SLC4A10: variants seen among roughly 807,000 people sequenced by gnomAD.
SLC4A10 encodes the protein solute carrier family 4 member 10.
A neutral mutation model predicts 137.7 loss-of-function variants in SLC4A10; 42 were observed. The observed-to-expected ratio is 0.30, with a 90% CI of 0.24 to 0.39. The LOEUF (loss-of-function observed/expected upper bound fraction) is 0.39. Among genes scored for constraint, SLC4A10 ranks in the 10% least tolerant of loss-of-function variants. The pLI, the probability that SLC4A10 is intolerant of heterozygous loss-of-function variation, is 1.00. For missense variants in SLC4A10, 925 were observed against 1,355.0 expected (o/e 0.68, Z 4.98); for synonymous variants, 474 against 464.1 (o/e 1.02, Z -0.27).
chr2:161,656,342 T>C (rs1464767070), intron 1 of SLC4A10, among the ~76,000 whole-genome samples: 2 of 152,240 alleles, frequency 1.3e-5, no homozygotes, highest in East Asian at 3.8e-4. Flanking sequence ...TTAAGCTGTT[T>C]CAACATATTA....
chr2:161,776,844 C>T (rs975442104), intron 2 of SLC4A10, among the ~76,000 whole-genome samples: 1 of 146,784 alleles, frequency 6.8e-6, no homozygotes, highest in African/African-American at 2.6e-5. Flanking sequence ...TCCTTGCCAA[C>T]ACTTATTTTC....
At chr2:161,862,577 G>T (rs1424131790) in intron 5 of SLC4A10, among the ~76,000 whole-genome samples, 3 of 151,872 alleles carry the variant, frequency 2.0e-5, no homozygotes, top group Non-Finnish European at 4.4e-5. Context: ...AATAAATAAA[G>T]AACTTTCTTC....
At chr2:161,672,088 C>T (rs2039790735) in intron 1 of SLC4A10, among the ~76,000 whole-genome samples, 1 of 152,040 alleles carries the variant, frequency 6.6e-6, no homozygotes, top group East Asian at 1.9e-4. Context: ...ACGTAGGGTA[C>T]ATGGTGGGAT....
At chr2:161,964,437 C>A (rs1697238752) in intron 22 of SLC4A10, 129 bp downstream of exon 22, 4 of 1,015,044 alleles carry the variant, frequency 3.9e-6, no homozygotes, top group Non-Finnish European at 5.8e-6. Context: ...TAAGTTTTGG[C>A]ACTGAAAGTG....
rs752273760 is a variant in SLC4A10, at chr2:161,795,687, G to A, written c.131-8762G>A. 1.8e-4 allele frequency among the ~76,000 whole-genome samples: 27 copies of A among 151,952 alleles called. 1 individual carries two copies. Among genetic ancestry groups the A allele is most frequent in the African/African-American group, 2.2e-4 (9 of 41,446 alleles). Reference sequence around the variant, plus strand: ...AGTAGATCTCTAGAACCTATTTATCGGAAAGTTACTTTTTTGAACCTCAAT... The same window carrying A: ...AGTAGATCTCTAGAACCTATTTATCAGAAAGTTACTTTTTTGAACCTCAAT... On this transcript the variant is annotated intron_variant, in intron 2 of 26. Transcript: ENST00000446997.
chr2:161,712,320 AGGACTTT>A (rs2044376652), intron 1 of SLC4A10, among the ~76,000 whole-genome samples: 1 of 151,820 alleles, frequency 6.6e-6, no homozygotes, highest in South Asian at 2.1e-4. Context: ...AAAGATTACT[AGGACTTT>A]GGGAAAATTT....
chr2:161,860,619 C>T (rs978896989), intron 5 of SLC4A10, among the ~76,000 whole-genome samples: 6 of 152,164 alleles, frequency 3.9e-5, no homozygotes, highest in Non-Finnish European at 8.8e-5. Context: ...TTCAGATTAA[C>T]CCAGGGGTAT....
At chr2:161,646,347 C>G (rs2036026631) in intron 1 of SLC4A10, among the ~76,000 whole-genome samples, 1 of 151,904 alleles carries the variant, frequency 6.6e-6, no homozygotes, top group East Asian at 1.9e-4. Context: ...ATTTTAGGAA[C>G]TGAAATTTGC....
intron 2 of SLC4A10, among the ~76,000 whole-genome samples, chr2:161,775,453 T>G (rs752029121): frequency 6.6e-6 from 1 of 151,912 alleles, no homozygotes; most frequent in Non-Finnish European, 1.5e-5. Flanking sequence ...GATGAGTGAA[T>G]GTTATCCAGA....
At chr2:161,837,619 A>C (rs2058900050) in intron 3 of SLC4A10, among the ~76,000 whole-genome samples, 1 of 152,324 alleles carries the variant, frequency 6.6e-6, no homozygotes, top group Non-Finnish European at 1.5e-5. Flanking sequence ...AAAGGCAAAA[A>C]GATTAGAATA....
chr2:161,971,574 T>C (rs777082958), intron 23 of SLC4A10, among the ~76,000 whole-genome samples: 5 of 152,266 alleles, frequency 3.3e-5, no homozygotes, highest in Non-Finnish European at 5.9e-5. Flanking sequence ...GTTAGCTTTA[T>C]GCTCTCGCTG....
At chr2:161,732,320 G>A (rs535635878) in intron 1 of SLC4A10, among the ~76,000 whole-genome samples, 1 of 152,206 alleles carries the variant, frequency 6.6e-6, no homozygotes, top group East Asian at 1.9e-4. Flanking sequence ...GCTACCTAAG[G>A]GTTGCCAGCC....
Position 161,956,979 on chromosome 2 carries a change from T to G in SLC4A10, c.2542-10T>G. On this transcript the variant is annotated splice_polypyrimidine_tract_variant and intron_variant, in intron 19 of 26. Transcript: ENST00000446997. ...CAGTTTCTTTCTCTCTTTCTTTCTT[T>G]TTTAAACAGAAAGGTTGTGGGTACC... is the stretch of plus-strand genomic sequence containing the variant. 2 of 1,549,818 alleles carry G rather than the reference T, an allele frequency of 1.3e-6. No individual in the cohort carries two copies. Among genetic ancestry groups the G allele is most frequent in the Non-Finnish European group, 1.7e-6 (2 of 1,147,884 alleles).
chr2:161,753,193 T>C (rs1259667559), intron 1 of SLC4A10, among the ~76,000 whole-genome samples: 1 of 152,176 alleles, frequency 6.6e-6, no homozygotes, highest in African/African-American at 2.4e-5. Flanking sequence ...ATATTTATTA[T>C]GCAGATATAC....
chr2:161,863,972 C>T lies in SLC4A10; in HGVS notation c.766+910C>T, dbSNP rs189009506. Among the ~76,000 whole-genome samples, 239 of 152,206 alleles carry T rather than the reference C, an allele frequency of 1.6e-3. 2 individuals carry two copies. The highest frequency in any genetic ancestry group is 5.5e-3 in the African/African-American group (229 of 41,540). On this transcript the variant is annotated intron_variant, in intron 6 of 26. Coordinates refer to ENST00000446997, the MANE Select transcript of SLC4A10 (RefSeq NM_001178015.2). Reference sequence around the variant, plus strand: ...ATCCCAGCACTTTGGGAGGCCGAGGCGGGCGGATCAAGAGGTCAGGAGATC... The same window carrying T: ...ATCCCAGCACTTTGGGAGGCCGAGGTGGGCGGATCAAGAGGTCAGGAGATC...
chr2:161,872,130 A>G (rs866192516), intron 6 of SLC4A10, among the ~76,000 whole-genome samples, 163 bp from the exon 7 acceptor site: 14 of 152,172 alleles, frequency 9.2e-5, no homozygotes, highest in African/African-American at 3.4e-4. Context: ...GATAATAAGA[A>G]TGTTTGTATT....
rs761178757 is a variant in SLC4A10, at chr2:161,827,568, C to CT, written c.278-12208dup. Among the ~76,000 whole-genome samples, 450 of 145,988 alleles carry CT rather than the reference C, an allele frequency of 3.1e-3. 1 individual carries two copies. The highest frequency in any genetic ancestry group is 0.025 in the Middle Eastern group (7 of 278). On this transcript the variant is annotated intron_variant, in intron 3 of 26. Transcript: ENST00000446997. ...TAATCATCAGTAATATTATGTGATT[C>CT]TTTTTTTTTTTTTGAGACGGAGTCT...
rs576545845 is a variant in SLC4A10, at chr2:161,936,096, C to T, written c.1998-6696C>T. On this transcript the variant is annotated intron_variant, in intron 15 of 26. Transcript: ENST00000446997. ...ATGTAGTGTATCACATTTATAGATT[C>T]GTAAATGTTGAATCATCCTTGCATC... Among the ~76,000 whole-genome samples the T allele has an allele frequency of 4.6e-5, 7 of 152,104 alleles. No homozygotes were observed. The South Asian group carries it at 6.2e-4, about 14-fold the overall frequency.
chr2:161,816,523 CA>C lies in SLC4A10; in HGVS notation c.277+11930del, dbSNP rs1442226483. On this transcript the variant is annotated intron_variant, in intron 3 of 26. Coordinates refer to ENST00000446997, the MANE Select transcript of SLC4A10 (RefSeq NM_001178015.2). ...CTTTAAGTTTTAGGGTACATGTGGA[CA>C]ACGTGCAGGTTTCTTACATACGTAT... 3.3e-5 allele frequency among the ~76,000 whole-genome samples: 5 copies of C among 151,932 alleles called. 1 individual carries two copies. The highest frequency in any genetic ancestry group is 1.2e-4 in the African/African-American group (5 of 41,368).
Sources: allele counts gnomAD v4.1 joint callset (sites outside exome capture counted in the v4.1 genomes callset), GRCh38; gene constraint gnomAD v4.1.1; transcripts MANE v1.5; gene names NCBI Gene and HGNC (gene_info 2026-07-23, HGNC 2026-07-21).